KCNG2: variants seen among roughly 807,000 people sequenced by gnomAD.
The protein encoded by KCNG2 is potassium voltage-gated channel modifier subfamily G member 2.
In KCNG2, 7 loss-of-function variants were observed where a neutral mutation model predicts 12.3. The observed-to-expected ratio is 0.57, with a 90% CI of 0.32 to 1.07. The LOEUF (loss-of-function observed/expected upper bound fraction) is 1.07. KCNG2 is among the 50% of genes least tolerant of loss of function. The probability of loss-of-function intolerance (pLI) is 0.04; values close to 1 mark genes in which losing one functional copy is unlikely to be tolerated. For missense variants in KCNG2, 703 were observed against 726.0 expected (o/e 0.97, Z 0.36); for synonymous variants, 414 against 351.4 (o/e 1.18, Z -1.99).
intron 1 of KCNG2, among the ~76,000 whole-genome samples, chr18:79,826,441 AG>A: frequency 1.3e-5 from 2 of 151,582 alleles, no homozygotes; most frequent in South Asian, 2.1e-4. Context: ...ACGGAAGGTT[AG>A]ATTCGGCGCG....
At chr18:79,852,395 A>G (rs955601214) in intron 1 of KCNG2, among the ~76,000 whole-genome samples, 1 of 152,240 alleles carries the variant, frequency 6.6e-6, no homozygotes, top group African/African-American at 2.4e-5. Flanking sequence ...TATGTCTGTA[A>G]TATCAAAGCA....
intron 3 of KCNG2, 67 bp downstream of exon 3, chr18:79,864,358 G>T: frequency 8.8e-7 from 1 of 1,142,836 alleles, no homozygotes; most frequent in Non-Finnish European, 1.1e-6. Flanking sequence ...TGGGCTGCGG[G>T]GAGGTGGGTG....
chr18:79,852,201 G>T (rs1344847345), intron 1 of KCNG2, among the ~76,000 whole-genome samples: 1 of 152,214 alleles, frequency 6.6e-6, no homozygotes, highest in Non-Finnish European at 1.5e-5. Flanking sequence ...AGGGTCCCCC[G>T]CCTCCAGTGA....
chr18:79,894,181 T>C (rs1980856833), intron 3 of KCNG2, among the ~76,000 whole-genome samples: 1 of 152,160 alleles, frequency 6.6e-6, no homozygotes, highest in African/African-American at 2.4e-5. Context: ...ATGACTGATA[T>C]AGTTGGGTCT....
intron 1 of KCNG2, among the ~76,000 whole-genome samples, chr18:79,798,842 G>T (rs114513841): frequency 0.011 from 1,730 of 152,262 alleles, 42 homozygotes; most frequent in African/African-American, 0.04. Flanking sequence ...AACTGGGCCC[G>T]CTCCGCGTCC....
chr18:79,873,433 C>CCCCCCCCCCCCCCCCCCCCA (rs1979938155), intron 3 of KCNG2, among the ~76,000 whole-genome samples: 1 of 144,728 alleles, frequency 6.9e-6, no homozygotes, highest in Non-Finnish European at 1.5e-5. Context: ...CCCTCCCCCC[C>CCCCCCCCCCCCCCCCCCCCA]CCCCAGCCAC....
chr18:79,870,071 C>T (rs1979770497), intron 3 of KCNG2, among the ~76,000 whole-genome samples: 1 of 152,208 alleles, frequency 6.6e-6, no homozygotes, highest in Admixed American at 6.5e-5. Context: ...CTCGTGCTCC[C>T]CATTGCCCTC....
intron 1 of KCNG2, among the ~76,000 whole-genome samples, chr18:79,806,368 G>A (rs1338798989): frequency 6.6e-6 from 1 of 152,184 alleles, no homozygotes; most frequent in African/African-American, 2.4e-5. Context: ...AGGCCGCTGT[G>A]TCAGGGTTTG....
At chr18:79,891,343 A>T in intron 3 of KCNG2, among the ~76,000 whole-genome samples, 1 of 152,106 alleles carries the variant, frequency 6.6e-6, no homozygotes, top group East Asian at 1.9e-4. Flanking sequence ...GGATCCTCCC[A>T]TCTCAGCCCC....
At chr18:79,843,295 C>T (rs1309308854) in intron 1 of KCNG2, among the ~76,000 whole-genome samples, 4 of 152,152 alleles carry the variant, frequency 2.6e-5, no homozygotes, top group African/African-American at 9.7e-5. Context: ...TTTTCCCGGA[C>T]AAACAAAAGC....
intron 1 of KCNG2, among the ~76,000 whole-genome samples, chr18:79,810,462 C>T (rs775009626): frequency 2.0e-4 from 31 of 152,148 alleles, no homozygotes; most frequent in Non-Finnish European, 3.4e-4. Flanking sequence ...AGGCAGGAAA[C>T]GTAGAAATCA....
intron 1 of KCNG2, among the ~76,000 whole-genome samples, chr18:79,853,609 A>G (rs1414545008): frequency 6.6e-6 from 1 of 152,162 alleles, no homozygotes; most frequent in Non-Finnish European, 1.5e-5. Context: ...GGAACCTGCT[A>G]GGGCTGTGGG....
At chr18:79,878,289 C>T (rs1221155974) in intron 3 of KCNG2, among the ~76,000 whole-genome samples, 3 of 120,462 alleles carry the variant, frequency 2.5e-5, no homozygotes, top group East Asian at 2.8e-4. Context: ...TGGCAGTGTG[C>T]GGAGGGCACC....
chr18:79,880,922 C>T (rs1980269189), intron 3 of KCNG2, among the ~76,000 whole-genome samples: 1 of 152,218 alleles, frequency 6.6e-6, no homozygotes, highest in African/African-American at 2.4e-5. Flanking sequence ...TAAAACAGCA[C>T]TTTCAGCAAT....
chr18:79,869,333 G>A (rs569021837), intron 3 of KCNG2, among the ~76,000 whole-genome samples: 1 of 152,334 alleles, frequency 6.6e-6, no homozygotes, highest in East Asian at 1.9e-4. Flanking sequence ...GGGTGCGGAA[G>A]AAATAGGAAG....
chr18:79,868,051 G>C (rs1331984439), intron 3 of KCNG2, among the ~76,000 whole-genome samples: 2 of 152,212 alleles, frequency 1.3e-5, no homozygotes, highest in Admixed American at 6.5e-5. Context: ...GGTCCTGATC[G>C]TGCTTCCAAA....
chr18:79,840,812 CAGAGG>C (rs1263399961), intron 1 of KCNG2, among the ~76,000 whole-genome samples: 9 of 152,060 alleles, frequency 5.9e-5, no homozygotes, highest in Non-Finnish European at 8.8e-5. Flanking sequence ...TTAACTTTGA[CAGAGG>C]TTCAAAAGTG....
At chr18:79,870,295 C>G (rs1402841619) in intron 3 of KCNG2, among the ~76,000 whole-genome samples, 1 of 152,244 alleles carries the variant, frequency 6.6e-6, no homozygotes, top group East Asian at 1.9e-4. Context: ...TGTCTTCTGT[C>G]GTCTCTGACA....
chr18:79,865,219 G>T (rs1243806206), intron 3 of KCNG2, among the ~76,000 whole-genome samples: 1 of 145,802 alleles, frequency 6.9e-6, no homozygotes, highest in Non-Finnish European at 1.5e-5. Flanking sequence ...AGAGGTCTGT[G>T]CTGAGAGGTC....
Sources: gnomAD v4.1 joint callset for allele counts (sites outside exome capture counted in the v4.1 genomes callset) on GRCh38, gnomAD v4.1.1 for gene constraint, MANE v1.5 for transcripts, NCBI Gene and HGNC (gene_info 2026-07-23, HGNC 2026-07-21) for gene names.